LRRC37A: variants seen among roughly 807,000 people sequenced by gnomAD.
The protein encoded by LRRC37A is leucine rich repeat containing 37A, also known as leucine-rich repeat-containing protein 37A.
A neutral mutation model predicts 35.4 loss-of-function variants in LRRC37A; 3 were observed. The ratio of observed to expected loss-of-function variants is 0.08; its 90% CI spans 0.04 to 0.22. The LOEUF is 0.22. LRRC37A is among the 10% of genes least tolerant of loss of function. The pLI, the probability that LRRC37A is intolerant of heterozygous loss-of-function variation, is 1.00. For synonymous variants in LRRC37A, 23 were observed against 215.0 expected, an observed-to-expected ratio of 0.11 and a Z score of 7.81; for missense variants, 67 against 565.3, an observed-to-expected ratio of 0.12 and a Z score of 8.94.
At chr17:46,258,710 T>C in the LRRC37A span, among the ~76,000 whole-genome samples, 1 of 100,392 alleles carries the variant, frequency 1.0e-5, no homozygotes, top group Non-Finnish European at 2.6e-5. Context: ...TATTATTCTT[T>C]TTTTTTTTTT....
the LRRC37A span, among the ~76,000 whole-genome samples, chr17:46,266,026 G>A: frequency 0.13 from 19,446 of 152,026 alleles, no homozygotes; most frequent in Middle Eastern, 0.2. Flanking sequence ...GAACCCGGGA[G>A]GCAGAGGTTA....
chr17:46,260,620 CTT>C, the LRRC37A span: 4,845 of 1,068,630 alleles, frequency 4.5e-3, no homozygotes, highest in East Asian at 9.4e-3. Flanking sequence ...TCTCTATTCT[CTT>C]TTTTTTTTTT....
the LRRC37A span, among the ~76,000 whole-genome samples, chr17:46,255,679 T>C: frequency 1.3e-5 from 2 of 149,968 alleles, no homozygotes; most frequent in Non-Finnish European, 3.0e-5. Context: ...AAATTGTTTT[T>C]TGTTTTTTTT....
At chr17:46,250,757 A>G in the LRRC37A span, among the ~76,000 whole-genome samples, 19,311 of 151,398 alleles carry the variant, frequency 0.13, no homozygotes, top group Non-Finnish European at 0.19. Flanking sequence ...TAATACGCTC[A>G]GTGACTCACA....
intron 5 of LRRC37A, among the ~76,000 whole-genome samples, chr17:46,317,165 T>C (rs1189459735): frequency 2.2e-5 from 2 of 89,790 alleles, no homozygotes; most frequent in South Asian, 4.3e-4. Context: ...GCAGAGGCGC[T>C]CCTCACATCC....
the LRRC37A span, among the ~76,000 whole-genome samples, chr17:46,262,285 T>C: frequency 0.13 from 19,409 of 152,016 alleles, no homozygotes; most frequent in Middle Eastern, 0.2. Flanking sequence ...CCACCTGCCT[T>C]GGCCTCCCAA....
At chr17:46,268,686 T>C in the LRRC37A span, 1 of 1,485,758 alleles carries the variant, frequency 6.7e-7, no homozygotes, top group Non-Finnish European at 9.0e-7. Context: ...TCATACCCAA[T>C]GCATTTGAAA....
chr17:46,262,257 C>T, the LRRC37A span, among the ~76,000 whole-genome samples: 1 of 152,248 alleles, frequency 6.6e-6, no homozygotes, highest in Non-Finnish European at 1.5e-5. Context: ...GCCTCTCAAA[C>T]TCCTGACCTC....
At chr17:46,278,862 G>A in the LRRC37A span, among the ~76,000 whole-genome samples, 1 of 151,560 alleles carries the variant, frequency 6.6e-6, no homozygotes, top group African/African-American at 2.4e-5. Context: ...CAATGGCATG[G>A]TTTTGGCTCA....
chr17:46,267,893 C>CTTTTTTTT, the LRRC37A span, among the ~76,000 whole-genome samples: 5 of 89,276 alleles, frequency 5.6e-5, no homozygotes, highest in African/African-American at 1.2e-4. Context: ...ACTCCCACAT[C>CTTTTTTTT]TTTTTTTTTT....
At position 46,325,823 on chromosome 17, in the gene LRRC37A, C is replaced by T. The variant is rs1293779881; in HGVS notation, c.3054-2569C>T. Reference sequence around the variant, plus strand: ...CAGAAAATGTATAGACATACACACACGGAAAGCAAATGTGGCAAAGTATTA... The same window carrying T: ...CAGAAAATGTATAGACATACACACATGGAAAGCAAATGTGGCAAAGTATTA... On this transcript the variant is annotated intron_variant, in intron 7 of 13. Coordinates refer to ENST00000320254, the Ensembl canonical transcript of LRRC37A. Among the ~76,000 whole-genome samples, 2 of 75,000 alleles carry T rather than the reference C, an allele frequency of 2.7e-5. 1 individual carries two copies. Among genetic ancestry groups the T allele is most frequent in the Non-Finnish European group, 8.4e-5 (2 of 23,920 alleles). 49.2% of individuals were successfully genotyped at this position (75,000 alleles called of 152,430 possible).
At chr17:46,261,432 G>T in the LRRC37A span, among the ~76,000 whole-genome samples, 1 of 151,962 alleles carries the variant, frequency 6.6e-6, no homozygotes, top group African/African-American at 2.4e-5. Context: ...TTTTTCTTGA[G>T]ATGGAGTCTT....
At chr17:46,281,055 T>C in the LRRC37A span, among the ~76,000 whole-genome samples, 2 of 152,182 alleles carry the variant, frequency 1.3e-5, no homozygotes. Flanking sequence ...GCACTAAATG[T>C]TGTAGCGGAA....
the LRRC37A span, among the ~76,000 whole-genome samples, chr17:46,282,834 G>C: frequency 1.6e-4 from 24 of 152,290 alleles, no homozygotes; most frequent in African/African-American, 5.3e-4. Context: ...AGATCACTGT[G>C]GGGGCTGGGC....
At chr17:46,263,797 T>C in the LRRC37A span, among the ~76,000 whole-genome samples, 171 of 145,754 alleles carry the variant, frequency 1.2e-3, 3 homozygotes, top group African/African-American at 4.0e-3. Context: ...GAGGTTGCAG[T>C]GAGCCGAGAT....
the LRRC37A span, among the ~76,000 whole-genome samples, chr17:46,270,272 C>G: frequency 1.3e-5 from 2 of 151,894 alleles, no homozygotes; most frequent in South Asian, 4.1e-4. Flanking sequence ...ACATCCAGGA[C>G]GGGACGCTAG....
the LRRC37A span, chr17:46,268,540 A>G: frequency 2.7e-6 from 4 of 1,479,410 alleles, no homozygotes; most frequent in East Asian, 7.9e-5. Context: ...ATCTACCATA[A>G]GAGAGGGCAG....
chr17:46,254,302 G>A, the LRRC37A span, among the ~76,000 whole-genome samples: 2 of 152,248 alleles, frequency 1.3e-5, no homozygotes, highest in African/African-American at 4.8e-5. Context: ...GACTCAGTGG[G>A]TCCAGAGGTC....
chr17:46,280,227 G>A, the LRRC37A span, among the ~76,000 whole-genome samples: 2 of 152,298 alleles, frequency 1.3e-5, no homozygotes, highest in East Asian at 3.9e-4. Flanking sequence ...AGCCAGGTGT[G>A]GTGGCAGGCG....
Sources: gnomAD v4.1 joint callset for allele counts (sites outside exome capture counted in the v4.1 genomes callset) on GRCh38, gnomAD v4.1.1 for gene constraint, MANE v1.5 for transcripts, NCBI Gene and HGNC (gene_info 2026-07-23, HGNC 2026-07-21) for gene names.